LRRC69: variants seen among roughly 807,000 people sequenced by gnomAD.
LRRC69 encodes the protein leucine-rich repeat-containing protein 69.
LRRC69 carries 42 observed loss-of-function variants against 37.8 expected under a neutral mutation model. That is an observed-to-expected ratio of 1.11 (90% CI 0.87 to 1.44). LRRC69 has a LOEUF of 1.44. Among genes scored for constraint, LRRC69 ranks in the 40% most tolerant of loss-of-function variants. The probability of loss-of-function intolerance (pLI) is 0.00; values close to 1 mark genes in which losing one functional copy is unlikely to be tolerated. For synonymous variants in LRRC69, 141 were observed against 143.1 expected (o/e 0.99, Z 0.11); for missense variants, 357 against 401.9 (o/e 0.89, Z 0.96).
intron 5 of LRRC69, among the ~76,000 whole-genome samples, chr8:91,151,109 A>G (rs538655399): frequency 6.6e-6 from 1 of 151,556 alleles, no homozygotes; most frequent in Admixed American, 6.6e-5. Flanking sequence ...GATCTTAGTT[A>G]TTTCTTGCCT....
Position 91,140,931 on chromosome 8 carries a change from G to A in LRRC69, c.651+5192G>A, listed in dbSNP as rs1297575940. ...GCCTCCCAAAGTGCTGGGATTACAG[G>A]CGTGAGCCACCGCGCCCGGCCTCAA... is the stretch of plus-strand genomic sequence containing the variant. On this transcript the variant is annotated intron_variant, in intron 5 of 7. Coordinates refer to ENST00000448384, the Ensembl canonical transcript of LRRC69. 3.5e-4 allele frequency among the ~76,000 whole-genome samples: 6 copies of A among 17,214 alleles called. 1 individual carries two copies. Among genetic ancestry groups the A allele is most frequent in the Admixed American group, 1.6e-3 (6 of 3,652 alleles). 11.3% of individuals were successfully genotyped at this position (17,214 alleles called of 152,430 possible). A position where few individuals can be genotyped will look rare whatever the true frequency, so the allele number is the denominator to read the frequency against.
At chr8:91,159,997 T>G (rs1808909171) in intron 5 of LRRC69, among the ~76,000 whole-genome samples, 1 of 151,142 alleles carries the variant, frequency 6.6e-6, no homozygotes, top group African/African-American at 2.4e-5. Flanking sequence ...AACAAAAATA[T>G]GAATTCTTCC....
intron 5 of LRRC69, among the ~76,000 whole-genome samples, chr8:91,185,086 A>G (rs1316781744): frequency 6.6e-6 from 1 of 152,160 alleles, no homozygotes; most frequent in African/African-American, 2.4e-5. Context: ...TCTTCGGGCT[A>G]CTGGTTCTCA....
intron 6 of LRRC69, among the ~76,000 whole-genome samples, chr8:91,198,865 A>G (rs2130626417): frequency 6.6e-6 from 1 of 152,262 alleles, no homozygotes; most frequent in African/African-American, 2.4e-5. Context: ...TTTTATATAT[A>G]CTCACATTTC....
chr8:91,155,841 T>C (rs1344331418), intron 5 of LRRC69, among the ~76,000 whole-genome samples: 2 of 149,400 alleles, frequency 1.3e-5, no homozygotes, highest in East Asian at 3.9e-4. Flanking sequence ...CTAAATAATA[T>C]TCTTTTTGTG....
At chr8:91,209,732 G>A (rs1279721228) in intron 7 of LRRC69, among the ~76,000 whole-genome samples, 2 of 152,132 alleles carry the variant, frequency 1.3e-5, no homozygotes, top group Non-Finnish European at 2.9e-5. Context: ...TAAAAAATTA[G>A]TAGAATTTTT....
At chr8:91,166,500 A>G (rs1809031756) in intron 5 of LRRC69, among the ~76,000 whole-genome samples, 1 of 55,132 alleles carries the variant, frequency 1.8e-5, no homozygotes, top group South Asian at 1.3e-3. Flanking sequence ...CTGAAAAAAA[A>G]AAAAAAAAAA....
intron 1 of LRRC69, among the ~76,000 whole-genome samples, chr8:91,105,401 T>C (rs893498402): frequency 1.2e-4 from 18 of 151,972 alleles, no homozygotes; most frequent in African/African-American, 3.9e-4. Context: ...AAAGGGCAGA[T>C]GGCCCGGTGC....
intron 5 of LRRC69, among the ~76,000 whole-genome samples, chr8:91,177,626 G>C (rs984563115): frequency 6.6e-6 from 1 of 152,074 alleles, no homozygotes; most frequent in African/African-American, 2.4e-5. Flanking sequence ...CTCAACAAAT[G>C]ATAACAAATC....
At chr8:91,107,931 A>C (rs1813346454) in intron 1 of LRRC69, among the ~76,000 whole-genome samples, 1 of 152,086 alleles carries the variant, frequency 6.6e-6, no homozygotes, top group African/African-American at 2.4e-5. Context: ...AACTCATATA[A>C]TGTCAACATG....
rs1586254707 is a variant in LRRC69, at chr8:91,158,655, G to T, written c.651+22916G>T. 5.9e-6 allele frequency: 8 copies of T among 1,352,058 alleles called. No homozygotes were observed. The East Asian group carries it at 1.8e-4, about 31-fold the overall frequency. The allele number at this position is 1,352,058 out of a possible 1,614,324, so 83.8% of individuals were successfully genotyped here. On this transcript the variant is annotated intron_variant, in intron 5 of 7. Transcript: ENST00000448384. ...CCTAGAAATGTTTCCAAGAACACCTGGAATTTGGTTACTCCACTGCCATGT... is the reference window on the plus strand; with the variant it reads ...CCTAGAAATGTTTCCAAGAACACCTTGAATTTGGTTACTCCACTGCCATGT...
chr8:91,189,598 A>T lies in LRRC69; in HGVS notation c.728A>T (p.Gln243Leu), dbSNP rs779350341. Residue 243 changes from glutamine to leucine, a missense_variant, in exon 6 of 8, where the codon CAG becomes CTG. Gln to Leu is a moderately radical substitution (Grantham distance 113). Transcript: ENST00000448384. Reference sequence around the variant, plus strand: ...CTGCAGCAGCCAGTGATTTCTACACAGCAGGAGAACGTCTGGAGTCTACAG... The same window carrying T: ...CTGCAGCAGCCAGTGATTTCTACACTGCAGGAGAACGTCTGGAGTCTACAG... 3 of 1,551,312 alleles carry T rather than the reference A, an allele frequency of 1.9e-6. No homozygotes were observed. The South Asian group carries it at 3.6e-5, about 18-fold the overall frequency.
chr8:91,207,535 C>G (rs1809825824), intron 7 of LRRC69, among the ~76,000 whole-genome samples: 1 of 152,168 alleles, frequency 6.6e-6, no homozygotes, highest in Admixed American at 6.5e-5. Flanking sequence ...ACCCTGGTGC[C>G]TACCACAGTG....
intron 5 of LRRC69, among the ~76,000 whole-genome samples, chr8:91,169,523 ATT>A (rs148090061): frequency 1.7e-4 from 26 of 150,698 alleles, no homozygotes; most frequent in South Asian, 8.4e-4. Flanking sequence ...TGTGTATATA[ATT>A]TTTTTTTTAT....
intron 6 of LRRC69, among the ~76,000 whole-genome samples, chr8:91,191,451 T>C (rs1227754064): frequency 2.0e-5 from 3 of 152,336 alleles, no homozygotes; most frequent in African/African-American, 7.2e-5. Context: ...AATTTAGTCC[T>C]CTACTAACCC....
chr8:91,133,198 C>G, exon 4 of LRRC69: 1 of 1,544,502 alleles, frequency 6.5e-7, no homozygotes, highest in Non-Finnish European at 8.7e-7. Flanking sequence ...TCTTGTTGAA[C>G]TTCAACTTAA....
At chr8:91,166,206 C>T (rs1809024821) in intron 5 of LRRC69, among the ~76,000 whole-genome samples, 1 of 151,676 alleles carries the variant, frequency 6.6e-6, no homozygotes, top group Admixed American at 6.6e-5. Context: ...ATATAAATCA[C>T]CAGGAACATA....
chr8:91,176,851 A>C (rs540464591), intron 5 of LRRC69, among the ~76,000 whole-genome samples: 2 of 151,940 alleles, frequency 1.3e-5, no homozygotes, highest in African/African-American at 4.9e-5. Context: ...TTTCATCTAG[A>C]AACACCCTCA....
intron 5 of LRRC69, among the ~76,000 whole-genome samples, chr8:91,166,026 A>G (rs1809022446): frequency 6.6e-6 from 1 of 151,856 alleles, no homozygotes. Context: ...ATTGTGTAGT[A>G]GAAAACACAT....
Sources: gnomAD v4.1 joint callset for allele counts (sites outside exome capture counted in the v4.1 genomes callset) on GRCh38, gnomAD v4.1.1 for gene constraint, MANE v1.5 for transcripts, NCBI Gene and HGNC (gene_info 2026-07-23, HGNC 2026-07-21) for gene names.